The following USP25 variants were observed in gnomAD, a reference collection of about 807,000 sequenced individuals.
USP25 encodes the protein ubiquitin specific peptidase 25, also known as ubiquitin carboxyl-terminal hydrolase 25.
USP25 carries 85 observed loss-of-function variants against 158.5 expected under a neutral mutation model. The ratio of observed to expected loss-of-function variants is 0.54; its 90% CI spans 0.45 to 0.64. The LOEUF is 0.64. Among genes scored for constraint, USP25 ranks in the 30% least tolerant of loss-of-function variants. The pLI is 0.00. For synonymous variants in USP25, 464 were observed against 460.4 expected (o/e 1.01, Z -0.10); for missense variants, 1,242 against 1,327.3 (o/e 0.94, Z 1.00).
intron 1 of USP25, among the ~76,000 whole-genome samples, chr21:15,736,419 C>G (rs1361666316): frequency 6.6e-6 from 1 of 152,032 alleles, no homozygotes; most frequent in African/African-American, 2.4e-5. Context: ...GTGTTTTTGT[C>G]TTTTAGAATT....
At chr21:15,755,832 G>A (rs1313743903) in intron 1 of USP25, among the ~76,000 whole-genome samples, 1 of 152,210 alleles carries the variant, frequency 6.6e-6, no homozygotes, top group East Asian at 1.9e-4. Flanking sequence ...AAAAGGGCCA[G>A]ATGATTGAAG....
In USP25 at chr21:15,818,864, A is replaced by ATTG; in HGVS notation, c.1080+20_1080+22dup. On this transcript the variant is annotated intron_variant, in intron 10 of 25. Transcript: ENST00000400183. The stretch of plus-strand genomic sequence containing the variant: ...GCCAAGAGGTGAGTTTAACATTTTC[A>ATTG]TTGTCCCCTTTCTTCCCTAGGTCTT... 6.2e-7 allele frequency: 1 copy of ATTG among 1,612,558 alleles called. No individual in the cohort carries two copies. The highest frequency in any genetic ancestry group is 8.5e-7 in the Non-Finnish European group (1 of 1,179,106).
chr21:15,857,934 C>A (rs1013615911), intron 20 of USP25, among the ~76,000 whole-genome samples: 1 of 151,984 alleles, frequency 6.6e-6, no homozygotes, highest in African/African-American at 2.4e-5. Flanking sequence ...GCTGACTTGA[C>A]ACATATACTA....
At chr21:15,800,440 G>C (rs923288737) in intron 6 of USP25, among the ~76,000 whole-genome samples, 1 of 150,722 alleles carries the variant, frequency 6.6e-6, no homozygotes, top group Admixed American at 6.7e-5. Flanking sequence ...GTTGCTGTGA[G>C]CATTAAATGA....
At chr21:15,769,248 T>C (rs866449986) in intron 3 of USP25, among the ~76,000 whole-genome samples, 3 of 152,092 alleles carry the variant, frequency 2.0e-5, no homozygotes, top group Non-Finnish European at 2.9e-5. Flanking sequence ...AGGACAATTA[T>C]ATGCCTTTTT....
At chr21:15,825,673 A>C (rs1478750116) in intron 12 of USP25, among the ~76,000 whole-genome samples, 1 of 152,196 alleles carries the variant, frequency 6.6e-6, no homozygotes, top group Non-Finnish European at 1.5e-5. Context: ...CTGAAATGTC[A>C]CAAGTCATTT....
intron 1 of USP25, among the ~76,000 whole-genome samples, chr21:15,747,116 T>TG (rs1389905131): frequency 6.6e-6 from 1 of 152,198 alleles, no homozygotes; most frequent in Non-Finnish European, 1.5e-5. Context: ...TTGTTTCTCT[T>TG]GCCTGTTTTT....
intron 17 of USP25, among the ~76,000 whole-genome samples, chr21:15,838,253 C>T (rs1411116446): frequency 2.0e-5 from 3 of 151,632 alleles, no homozygotes. Context: ...ATTTATATCT[C>T]CAGCATCTAG....
intron 1 of USP25, among the ~76,000 whole-genome samples, chr21:15,733,964 ACCT>A (rs1378013744): frequency 6.6e-6 from 1 of 152,216 alleles, no homozygotes; most frequent in Non-Finnish European, 1.5e-5. Context: ...CCTTTTTGTC[ACCT>A]TGGGCAAGTC....
intron 6 of USP25, among the ~76,000 whole-genome samples, chr21:15,802,653 T>C (rs1479621817): frequency 2.0e-5 from 3 of 151,640 alleles, no homozygotes; most frequent in South Asian, 4.1e-4. Context: ...AAACAGTGAT[T>C]AGTGGAAGAT....
chr21:15,816,370 A>G lies in USP25; in HGVS notation c.932-2328A>G, dbSNP rs1568842610. Among the ~76,000 whole-genome samples, 3 of 152,146 alleles carry G rather than the reference A, an allele frequency of 2.0e-5. No individual in the cohort carries two copies. On this transcript the variant is annotated intron_variant, in intron 9 of 25. Coordinates refer to ENST00000400183, the MANE Select transcript of USP25 (RefSeq NM_001283041.3). This position sits in a 1 kb window ranked among gnomAD's most constrained non-coding sequence, Gnocchi z 4.0. ...ATGTGTCTTTATCAGCAGCGTGATAATGGACTAATACACTTTCCATATTGA... is the reference window on the plus strand; with the variant it reads ...ATGTGTCTTTATCAGCAGCGTGATAGTGGACTAATACACTTTCCATATTGA...
In USP25 at chr21:15,766,741, G is replaced by A. The variant is rs1293481857; in HGVS notation, c.268+600G>A. ...AATATGAATACTTTATACTTATGTA[G>A]CGCACAGTTTTTCAAACTATGTTCA... On this transcript the variant is annotated intron_variant, in intron 3 of 25. Coordinates refer to ENST00000400183, the MANE Select transcript of USP25 (RefSeq NM_001283041.3). This position sits in a 1 kb window ranked among gnomAD's most constrained non-coding sequence, Gnocchi z 4.0. Among the ~76,000 whole-genome samples the A allele has an allele frequency of 6.6e-6, 1 of 151,998 alleles. No individual in the cohort carries two copies. The highest frequency in any genetic ancestry group is 1.5e-5 in the Non-Finnish European group (1 of 67,932).
rs956325547 is a variant in USP25 at position 15,878,604 on chromosome 21, A to C, written c.*129A>C. ...TTTTATTTTAATAACTGCAAAAGAC[A>C]AAATGACTATACAGACTTTAGTCAG... On this transcript the variant is annotated 3_prime_UTR_variant, in exon 26 of 26. Transcript: ENST00000400183. 9.9e-7 allele frequency: 1 copy of C among 1,005,842 alleles called. No individual in the cohort carries two copies. Among genetic ancestry groups the C allele is most frequent in the Admixed American group, 3.4e-5 (1 of 29,500 alleles). 62.3% of individuals were successfully genotyped at this position (1,005,842 alleles called of 1,614,324 possible). A position where few individuals can be genotyped will look rare whatever the true frequency, so the allele number is the denominator to read the frequency against.
At chr21:15,792,698 A>C (rs2123624081) in intron 5 of USP25, among the ~76,000 whole-genome samples, 1 of 151,530 alleles carries the variant, frequency 6.6e-6, no homozygotes, top group East Asian at 1.9e-4. Context: ...TTTTTTATAT[A>C]CTTCAGTGCT....
At chr21:15,740,573 C>T (rs1039603550) in intron 1 of USP25, among the ~76,000 whole-genome samples, 11 of 143,920 alleles carry the variant, frequency 7.6e-5, no homozygotes, top group African/African-American at 1.3e-4. Context: ...TAAGTTGAAT[C>T]GATGGATTAA....
At chr21:15,844,974 T>C (rs1051423555) in intron 18 of USP25, among the ~76,000 whole-genome samples, 1 of 152,176 alleles carries the variant, frequency 6.6e-6, no homozygotes, top group Non-Finnish European at 1.5e-5. Context: ...CAATCGTATA[T>C]TTGTGTCTAC....
At chr21:15,860,915 G>T in intron 20 of USP25, among the ~76,000 whole-genome samples, 1 of 146,884 alleles carries the variant, frequency 6.8e-6, no homozygotes. Flanking sequence ...TATATTTTTG[G>T]TATCCACATA....
At chr21:15,859,985 A>C (rs940647149) in intron 20 of USP25, among the ~76,000 whole-genome samples, 24 of 141,496 alleles carry the variant, frequency 1.7e-4, no homozygotes, top group African/African-American at 3.5e-4. Context: ...ATATATATAT[A>C]TCTATATTTT....
rs1314602246 is a variant in USP25, at chr21:15,846,647, T to C, written c.2338-1016T>C. On this transcript the variant is annotated intron_variant, in intron 18 of 25. Transcript: ENST00000400183. ...CTTTAATTGCTGTTATAAAAATGTTTTTTGTAATATCAAAACAAAAGTTTA... is the reference window on the plus strand; with the variant it reads ...CTTTAATTGCTGTTATAAAAATGTTCTTTGTAATATCAAAACAAAAGTTTA... Among the ~76,000 whole-genome samples the C allele has an allele frequency of 3.3e-5, 5 of 152,212 alleles. No individual in the cohort carries two copies. In the South Asian group the frequency reaches 8.3e-4, roughly 25 times the overall value.
Sources: allele counts gnomAD v4.1 joint callset (sites outside exome capture counted in the v4.1 genomes callset), GRCh38; gene constraint gnomAD v4.1.1; non-coding constraint Gnocchi (gnomAD v3.1); transcripts MANE v1.5; gene names NCBI Gene and HGNC (gene_info 2026-07-23, HGNC 2026-07-21).